The following RARB variants were observed in gnomAD, a reference collection of about 807,000 sequenced individuals.
RARB encodes retinoic acid receptor beta.
RARB carries 17 observed loss-of-function variants against 51.9 expected under a neutral mutation model. The observed-to-expected ratio is 0.33, with a 90% CI of 0.22 to 0.49. The LOEUF (loss-of-function observed/expected upper bound fraction) is 0.49. Among genes scored for constraint, RARB ranks in the 20% least tolerant of loss-of-function variants. The pLI is 0.99. For missense variants in RARB, 369 were observed against 550.8 expected, an observed-to-expected ratio of 0.67 and a Z score of 3.30; for synonymous variants, 215 against 195.4, an observed-to-expected ratio of 1.10 and a Z score of -0.84.
chr3:25,132,871 T>A (rs907637310), intron 4 of RARB, among the ~76,000 whole-genome samples: 1 of 151,914 alleles, frequency 6.6e-6, no homozygotes, highest in Non-Finnish European at 1.5e-5. Flanking sequence ...AATAAAACTT[T>A]AAAACATTTT....
intron 2 of RARB, among the ~76,000 whole-genome samples, chr3:25,032,404 A>T (rs996669959): frequency 5.3e-5 from 8 of 152,212 alleles, no homozygotes; most frequent in African/African-American, 1.4e-4. Context: ...TTCAGTCATT[A>T]GTTGAAGTGC....
intron 5 of RARB, among the ~76,000 whole-genome samples, chr3:25,243,687 A>C (rs1490079380): frequency 6.6e-6 from 1 of 151,926 alleles, no homozygotes; most frequent in Admixed American, 6.6e-5. Context: ...TAAGCTTTTT[A>C]ATGTGCTTCT....
At chr3:25,565,988 C>T (rs1283375457) in intron 3 of RARB, among the ~76,000 whole-genome samples, 2 of 152,198 alleles carry the variant, frequency 1.3e-5, no homozygotes, top group South Asian at 4.1e-4. Flanking sequence ...GCCCTTGCCT[C>T]CCACTGCTGG....
At chr3:25,258,703 T>C (rs1238821179) in intron 5 of RARB, among the ~76,000 whole-genome samples, 4 of 152,108 alleles carry the variant, frequency 2.6e-5, no homozygotes, top group Non-Finnish European at 5.9e-5. Flanking sequence ...AAGTCTAAGA[T>C]GAGCAGCTGC....
intron 5 of RARB, among the ~76,000 whole-genome samples, chr3:25,247,223 G>A (rs546915634): frequency 7.2e-4 from 110 of 152,368 alleles, no homozygotes; most frequent in African/African-American, 2.4e-3. Context: ...CTAGCAGCAA[G>A]ATATTCAAGC....
intron 2 of RARB, among the ~76,000 whole-genome samples, chr3:24,886,984 T>A (rs1310683221): frequency 6.6e-6 from 1 of 152,244 alleles, no homozygotes; most frequent in African/African-American, 2.4e-5. Context: ...ATTGTATTAA[T>A]AGTTTGAAAA....
chr3:24,887,496 G>A (rs1025048084), intron 2 of RARB, among the ~76,000 whole-genome samples: 1 of 152,158 alleles, frequency 6.6e-6, no homozygotes, highest in Non-Finnish European at 1.5e-5. Flanking sequence ...TCTATTTTAT[G>A]ATAGAATGTT....
In RARB at chr3:25,067,595, T is replaced by G. The variant is rs17015747; in HGVS notation, c.-328+7419T>G. 7.9e-3 allele frequency among the ~76,000 whole-genome samples: 1,198 copies of G among 152,334 alleles called. 16 individuals carry two copies. Among genetic ancestry groups the G allele is most frequent in the African/African-American group, 0.028 (1,150 of 41,570 alleles). ...ACATGGATTCCTTATGTGTATTGAC[T>G]ATGTGTTATCTGTTATCCCTAGTCC... On this transcript the variant is annotated intron_variant, in intron 3 of 11. Coordinates refer to the RARB transcript ENST00000383772.
chr3:25,442,896 G>C (rs1181125952), intron 1 of RARB, among the ~76,000 whole-genome samples: 1 of 152,144 alleles, frequency 6.6e-6, no homozygotes, highest in Non-Finnish European at 1.5e-5. Flanking sequence ...GCTTGGTTTT[G>C]AGATGGGCAG....
At chr3:25,145,817 A>G (rs1485248726) in intron 4 of RARB, among the ~76,000 whole-genome samples, 3 of 141,358 alleles carry the variant, frequency 2.1e-5, no homozygotes, top group Non-Finnish European at 4.6e-5. Context: ...CCAACATGGT[A>G]AAACCCCATC....
At chr3:24,911,930 A>G (rs1333430862) in intron 2 of RARB, among the ~76,000 whole-genome samples, 2 of 152,248 alleles carry the variant, frequency 1.3e-5, no homozygotes, top group East Asian at 3.8e-4. Flanking sequence ...CCATGTAAAA[A>G]GAATGAATCT....
intron 1 of RARB, among the ~76,000 whole-genome samples, chr3:24,845,063 G>A (rs1176278560): frequency 6.6e-6 from 1 of 152,080 alleles, no homozygotes; most frequent in Non-Finnish European, 1.5e-5. Flanking sequence ...ACAGGAGTTA[G>A]GAAAACAATC....
intron 5 of RARB, among the ~76,000 whole-genome samples, chr3:25,353,072 C>G (rs1429548923): frequency 2.0e-5 from 3 of 152,164 alleles, no homozygotes; most frequent in Non-Finnish European, 4.4e-5. Flanking sequence ...ATACAGAAAT[C>G]AAGTGAAGTT....
intron 1 of RARB, among the ~76,000 whole-genome samples, chr3:24,840,331 G>T (rs1368649191): frequency 6.6e-6 from 1 of 152,172 alleles, no homozygotes; most frequent in Non-Finnish European, 1.5e-5. Context: ...AGCTGTGAAG[G>T]TATAAAGGCA....
rs375324440 is a variant in RARB, at chr3:25,388,804, T to C, written c.179-72389T>C. On this transcript the variant is annotated intron_variant, in intron 5 of 11. Coordinates refer to the RARB transcript ENST00000383772. Reference sequence around the variant, plus strand: ...AATGTTCACAAGTGTGTGGGGTAGGTAGGAAGGCTTTTTTTCTATCTTGTT... The same window carrying C: ...AATGTTCACAAGTGTGTGGGGTAGGCAGGAAGGCTTTTTTTCTATCTTGTT... Among the ~76,000 whole-genome samples, 23 of 152,176 alleles carry C rather than the reference T, an allele frequency of 1.5e-4. No homozygotes were observed. The South Asian group carries it at 1.7e-3, about 11-fold the overall frequency.
chr3:25,259,736 T>A (rs1431829310), intron 5 of RARB, among the ~76,000 whole-genome samples: 1 of 152,206 alleles, frequency 6.6e-6, no homozygotes, highest in Non-Finnish European at 1.5e-5. Flanking sequence ...TAAATAATAT[T>A]GAAAATGTTA....
chr3:25,019,567 A>G (rs1373336198), intron 2 of RARB, among the ~76,000 whole-genome samples: 2 of 152,152 alleles, frequency 1.3e-5, no homozygotes, highest in African/African-American at 4.8e-5. Flanking sequence ...GCATTAATAC[A>G]TGATGTGCTG....
chr3:24,940,837 CT>C (rs1227084926), intron 2 of RARB, among the ~76,000 whole-genome samples: 1 of 152,124 alleles, frequency 6.6e-6, no homozygotes, highest in Admixed American at 6.5e-5. Flanking sequence ...AGTCAGTTAA[CT>C]TTTTGAAGTA....
chr3:25,596,631 A>G lies in RARB; in HGVS notation c.*15A>G, dbSNP rs760021600. 3.8e-6 allele frequency: 6 copies of G among 1,562,832 alleles called. No homozygotes were observed. In the Admixed American group the frequency reaches 8.6e-5, roughly 22 times the overall value. ...TCGTGCAATAAGACATTTTCTAGCT[A>G]CTTCAAACATTCCCCAGTACCTTCA... On this transcript the variant is annotated 3_prime_UTR_variant, in exon 8 of 8. Coordinates refer to ENST00000330688, the MANE Select transcript of RARB (RefSeq NM_000965.5).
Sources: allele counts gnomAD v4.1 joint callset (sites outside exome capture counted in the v4.1 genomes callset), GRCh38; gene constraint gnomAD v4.1.1; transcripts MANE v1.5; gene names NCBI Gene and HGNC (gene_info 2026-07-23, HGNC 2026-07-21).